HDAC9: variants seen among roughly 807,000 people sequenced by gnomAD.
The protein encoded by HDAC9 is histone deacetylase 9.
In HDAC9, 41 loss-of-function variants were observed where a neutral mutation model predicts 139.4. That is an observed-to-expected ratio of 0.29 (90% confidence interval 0.23 to 0.38). The LOEUF is 0.38. Ranked by LOEUF, HDAC9 falls within the 10% of genes least tolerant of loss-of-function variation. The pLI, the probability that HDAC9 is intolerant of heterozygous loss-of-function variation, is 1.00. For missense variants in HDAC9, 1,147 were observed against 1,297.0 expected, an observed-to-expected ratio of 0.88 and a Z score of 1.78; for synonymous variants, 517 against 476.2, an observed-to-expected ratio of 1.09 and a Z score of -1.12.
intron 1 of HDAC9, among the ~76,000 whole-genome samples, chr7:18,105,023 C>G (rs1783108345): frequency 6.6e-6 from 1 of 151,414 alleles, no homozygotes; most frequent in South Asian, 2.1e-4. Context: ...TTTGGAATAG[C>G]CTTTCTAAAA....
intron 1 of HDAC9, among the ~76,000 whole-genome samples, chr7:18,406,732 A>G (rs1370808813): frequency 2.0e-5 from 3 of 151,972 alleles, no homozygotes; most frequent in Middle Eastern, 3.2e-3. Flanking sequence ...ACTTTTTTGG[A>G]TGCCTAATTT....
At chr7:18,098,172 G>A (rs868278259) in intron 1 of HDAC9, among the ~76,000 whole-genome samples, 1 of 152,156 alleles carries the variant, frequency 6.6e-6, no homozygotes, top group East Asian at 1.9e-4. Context: ...CCGTGAAATC[G>A]ATACTACAGG....
At chr7:18,388,450 T>C (rs1356320765) in intron 1 of HDAC9, among the ~76,000 whole-genome samples, 4 of 152,206 alleles carry the variant, frequency 2.6e-5, no homozygotes, top group Non-Finnish European at 5.9e-5. Context: ...GGAGGAAGTA[T>C]TTTTGAGAAC....
At chr7:18,744,012 G>GTTGTTTTTTTT (rs1787702284) in intron 13 of HDAC9, among the ~76,000 whole-genome samples, 1 of 110,448 alleles carries the variant, frequency 9.1e-6, no homozygotes, top group South Asian at 3.3e-4. Flanking sequence ...TTTACTACTA[G>GTTGTTTTTTTT]TTTTTTTTTT....
rs140758522 is a variant in HDAC9, at chr7:18,363,905, G to A, written c.-42+73390G>A. Among the ~76,000 whole-genome samples the A allele has an allele frequency of 2.6e-3, 398 of 152,188 alleles. 1 individual carries two copies. Among genetic ancestry groups the A allele is most frequent in the African/African-American group, 9.2e-3 (382 of 41,540 alleles). On this transcript the variant is annotated intron_variant, in intron 1 of 3. Transcript: ENST00000413509. ...ATTCATTTGCTTTTCTTAGTGAAAT[G>A]CCTTAACATTAATATTTTTCAGGGT...
At chr7:18,830,209 C>G (rs980964922) in intron 19 of HDAC9, among the ~76,000 whole-genome samples, 3 of 152,160 alleles carry the variant, frequency 2.0e-5, no homozygotes, top group African/African-American at 7.2e-5. Flanking sequence ...GAATAATGAG[C>G]TGGAGATCTG....
At chr7:18,883,074 CATT>C (rs1799850332) in intron 22 of HDAC9, among the ~76,000 whole-genome samples, 1 of 152,012 alleles carries the variant, frequency 6.6e-6, no homozygotes, top group South Asian at 2.1e-4. Context: ...GAAAATAAAG[CATT>C]ATTATTTTGT....
chr7:18,527,258 T>A (rs1451845558), intron 2 of HDAC9, among the ~76,000 whole-genome samples: 1 of 152,096 alleles, frequency 6.6e-6, no homozygotes, highest in Non-Finnish European at 1.5e-5. Context: ...TTGAGAAAAA[T>A]TTGTTGGAGA....
intron 23 of HDAC9, among the ~76,000 whole-genome samples, chr7:18,943,517 GA>G (rs1312639466): frequency 6.6e-6 from 1 of 152,028 alleles, no homozygotes; most frequent in Admixed American, 6.6e-5. Context: ...AAGCATCATG[GA>G]AATTATGGGA....
intron 11 of HDAC9, among the ~76,000 whole-genome samples, chr7:18,662,152 A>G (rs1793370590): frequency 6.6e-6 from 1 of 152,154 alleles, no homozygotes; most frequent in African/African-American, 2.4e-5. Flanking sequence ...TGGTAATACC[A>G]GTCTCTTATT....
At chr7:18,545,518 A>C (rs777675795) in intron 2 of HDAC9, among the ~76,000 whole-genome samples, 1 of 152,100 alleles carries the variant, frequency 6.6e-6, no homozygotes, top group East Asian at 1.9e-4. Flanking sequence ...CTTTTGGCCT[A>C]GGGGGTGTAG....
In HDAC9 at chr7:18,496,000, C is replaced by G; in HGVS notation, c.-65C>G. 1 of 1,403,966 alleles carries G rather than the reference C, an allele frequency of 7.1e-7. No individual in the cohort carries two copies. The highest frequency in any genetic ancestry group is 9.2e-7 in the Non-Finnish European group (1 of 1,082,420). The allele number at this position is 1,403,966 out of a possible 1,614,324, so 87.0% of individuals were successfully genotyped here. A position where few individuals can be genotyped will look rare whatever the true frequency, so the allele number is the denominator to read the frequency against. On this transcript the variant is annotated 5_prime_UTR_variant, in exon 1 of 26. Coordinates refer to ENST00000686413, the MANE Select transcript of HDAC9 (RefSeq NM_178425.4). ...ACTCCAGAGAGCTATAGCATCCACT[C>G]TGTCCTTTCTGCTTTGCACACAGGT...
At chr7:18,215,962 G>A (rs1301883142) in intron 2 of HDAC9, among the ~76,000 whole-genome samples, 1 of 152,080 alleles carries the variant, frequency 6.6e-6, no homozygotes, top group African/African-American at 2.4e-5. Flanking sequence ...GCTTTCTAGA[G>A]TTGTGTCATT....
At chr7:18,650,545 A>G (rs1788912472) in intron 11 of HDAC9, among the ~76,000 whole-genome samples, 1 of 152,174 alleles carries the variant, frequency 6.6e-6, no homozygotes, top group Non-Finnish European at 1.5e-5. Context: ...TTTCCTTTTC[A>G]GTATCAAACT....
chr7:18,611,925 C>A (rs1837274061), intron 6 of HDAC9, among the ~76,000 whole-genome samples: 1 of 152,048 alleles, frequency 6.6e-6, no homozygotes, highest in Admixed American at 6.6e-5. Flanking sequence ...AAATATTTAA[C>A]AAGTTTTTCA....
chr7:18,934,960 C>A (rs988684808), intron 22 of HDAC9, among the ~76,000 whole-genome samples: 2 of 152,016 alleles, frequency 1.3e-5, no homozygotes, highest in Non-Finnish European at 2.9e-5. Flanking sequence ...TAATGGCCTA[C>A]TAGACAGCAA....
chr7:18,684,263 A>G (rs1474420653), intron 12 of HDAC9, among the ~76,000 whole-genome samples: 1 of 151,926 alleles, frequency 6.6e-6, no homozygotes. Flanking sequence ...CAAAAAAAAA[A>G]AAGTAAGAAT....
chr7:18,088,290 A>AT (rs1348759245), intron 1 of HDAC9, among the ~76,000 whole-genome samples: 1 of 152,160 alleles, frequency 6.6e-6, no homozygotes, highest in Non-Finnish European at 1.5e-5. Context: ...CGAAGAGTTA[A>AT]TTTTTTTCTC....
chr7:18,437,012 T>C lies in HDAC9; in HGVS notation c.-41-59250T>C, dbSNP rs950979665. 2.6e-5 allele frequency among the ~76,000 whole-genome samples: 4 copies of C among 152,294 alleles called. No homozygotes were observed. In the East Asian group the frequency reaches 7.7e-4, roughly 29 times the overall value. On this transcript the variant is annotated intron_variant, in intron 1 of 3. Coordinates refer to the HDAC9 transcript ENST00000413509. ...TTTGAAGACTGTCTTCCCATGGGAC[T>C]GGGAGTTTTATATACTAATTAAAAC...
Sources: gnomAD v4.1 joint callset for allele counts (sites outside exome capture counted in the v4.1 genomes callset) on GRCh38, gnomAD v4.1.1 for gene constraint, MANE v1.5 for transcripts, NCBI Gene and HGNC (gene_info 2026-07-23, HGNC 2026-07-21) for gene names.